Variants in NKAIN2 observed in about 807,000 individuals in gnomAD.
NKAIN2 encodes sodium/potassium-transporting ATPase subunit beta-1-interacting protein 2.
Under a neutral mutation model 32.6 loss-of-function variants are expected in NKAIN2, and 14 were observed. That is an observed-to-expected ratio of 0.43 (90% CI 0.28 to 0.67). The LOEUF (loss-of-function observed/expected upper bound fraction) is 0.67. Ranked by LOEUF, NKAIN2 falls within the 30% of genes least tolerant of loss-of-function variation. NKAIN2 has a pLI of 0.17. For missense variants in NKAIN2, 198 were observed against 258.3 expected, an observed-to-expected ratio of 0.77 and a Z score of 1.60; for synonymous variants, 80 against 87.2, an observed-to-expected ratio of 0.92 and a Z score of 0.46.
intron 1 of NKAIN2, among the ~76,000 whole-genome samples, chr6:123,858,512 T>C (rs1248172280): frequency 6.6e-6 from 1 of 152,212 alleles, no homozygotes; most frequent in African/African-American, 2.4e-5. Flanking sequence ...CAAATACATA[T>C]TTACATTTAA....
At chr6:124,102,146 G>A (rs1473611010) in intron 1 of NKAIN2, among the ~76,000 whole-genome samples, 1 of 152,230 alleles carries the variant, frequency 6.6e-6, no homozygotes, top group Non-Finnish European at 1.5e-5. Flanking sequence ...CAGTCTCTTA[G>A]TACATAGGAA....
chr6:124,581,092 G>A (rs1318445872), intron 3 of NKAIN2, among the ~76,000 whole-genome samples: 2 of 152,190 alleles, frequency 1.3e-5, no homozygotes, highest in Non-Finnish European at 2.9e-5. Context: ...AATAGCTGGA[G>A]TTTTCAGCAC....
chr6:124,352,096 C>T (rs1002451854), intron 2 of NKAIN2, among the ~76,000 whole-genome samples: 15 of 152,216 alleles, frequency 9.9e-5, no homozygotes, highest in African/African-American at 3.4e-4. Context: ...TTTAAGTAAA[C>T]TTAATTGTAA....
At chr6:124,318,767 G>T (rs999690604) in intron 2 of NKAIN2, among the ~76,000 whole-genome samples, 1 of 151,870 alleles carries the variant, frequency 6.6e-6, no homozygotes, top group Admixed American at 6.6e-5. Context: ...CCATTCAGGG[G>T]AACACATAGT....
At chr6:124,443,309 AGAT>A (rs1775766976) in intron 3 of NKAIN2, among the ~76,000 whole-genome samples, 1 of 152,158 alleles carries the variant, frequency 6.6e-6, no homozygotes, top group Non-Finnish European at 1.5e-5. Context: ...TAGTGAACAA[AGAT>A]GATATTCTCC....
At chr6:124,473,303 C>A (rs1777051578) in intron 3 of NKAIN2, among the ~76,000 whole-genome samples, 2 of 152,092 alleles carry the variant, frequency 1.3e-5, no homozygotes, top group South Asian at 4.1e-4. Context: ...GGTGAGGTGG[C>A]CAGGCTTCTG....
intron 1 of NKAIN2, among the ~76,000 whole-genome samples, chr6:123,912,642 T>TG (rs759381604): frequency 5.7e-4 from 87 of 152,326 alleles, no homozygotes; most frequent in Non-Finnish European, 1.6e-4. Context: ...CTCTCTCTCT[T>TG]GCTTCCTCTC....
intron 3 of NKAIN2, 89 bp from the exon 4 acceptor site, chr6:124,658,097 C>A: frequency 1.9e-6 from 2 of 1,046,864 alleles, no homozygotes; most frequent in South Asian, 1.6e-5. Context: ...CCCACATTTC[C>A]AAATGGGAAA....
Position 123,860,916 on chromosome 6 carries a change from T to A in NKAIN2, c.54+56662T>A, listed in dbSNP as rs991981892. ...AGAAATATCAACTCCATTTTCAGAA[T>A]GCCCGCAGTATGCCAGTTGTGTGCC... On this transcript the variant is annotated intron_variant, in intron 1 of 6. Coordinates refer to ENST00000368417, the MANE Select transcript of NKAIN2 (RefSeq NM_001040214.3). Among the ~76,000 whole-genome samples, 3 of 152,180 alleles carry A rather than the reference T, an allele frequency of 2.0e-5. No homozygotes were observed. The East Asian group carries it at 5.8e-4, about 29-fold the overall frequency.
At chr6:124,298,325 AT>A (rs1796151301) in intron 2 of NKAIN2, among the ~76,000 whole-genome samples, 1 of 151,876 alleles carries the variant, frequency 6.6e-6, no homozygotes, top group African/African-American at 2.4e-5. Context: ...ATCTCTTTCT[AT>A]TTTTAATGTT....
chr6:124,533,491 A>AAAAAAAAT, intron 3 of NKAIN2, among the ~76,000 whole-genome samples: 1 of 149,248 alleles, frequency 6.7e-6, no homozygotes, highest in Non-Finnish European at 1.5e-5. Flanking sequence ...AAAAAAAAAA[A>AAAAAAAAT]TCCTGCTGAT....
At chr6:124,203,716 G>T (rs1026618008) in intron 1 of NKAIN2, among the ~76,000 whole-genome samples, 1 of 151,790 alleles carries the variant, frequency 6.6e-6, no homozygotes, top group Non-Finnish European at 1.5e-5. Context: ...CAAGTATCTT[G>T]AAAAGATCAT....
chr6:124,461,866 T>C lies in NKAIN2; in HGVS notation c.273+106519T>C, dbSNP rs1405305796. ...ACTTTTGTGAATTCCTTTTTCCATC[T>C]TTCTTTTTTCACTTTATTTTGTTTA... On this transcript the variant is annotated intron_variant, in intron 3 of 6. Transcript: ENST00000368417. 3.3e-5 allele frequency among the ~76,000 whole-genome samples: 5 copies of C among 151,904 alleles called. No homozygotes were observed. The East Asian group carries it at 9.7e-4, about 29-fold the overall frequency.
At chr6:124,727,897 G>T (rs1776418353) in intron 4 of NKAIN2, among the ~76,000 whole-genome samples, 1 of 146,910 alleles carries the variant, frequency 6.8e-6, no homozygotes, top group African/African-American at 2.5e-5. Context: ...AAAAAGGCAG[G>T]GGTTGCAATC....
rs964735017 is a variant in NKAIN2 at position 124,360,888 on chromosome 6, C to A, written c.273+5541C>A. Among the ~76,000 whole-genome samples the A allele has an allele frequency of 5.3e-5, 8 of 152,218 alleles. No individual in the cohort carries two copies. The East Asian group carries it at 1.5e-3, about 29-fold the overall frequency. Reference sequence around the variant, plus strand: ...GTCTGTAACCTGAAGTGTCTGGTAACGGTTTGAAATTGCCTTTGGGCATCA... The same window carrying A: ...GTCTGTAACCTGAAGTGTCTGGTAAAGGTTTGAAATTGCCTTTGGGCATCA... On this transcript the variant is annotated intron_variant, in intron 3 of 6. Coordinates refer to ENST00000368417, the MANE Select transcript of NKAIN2 (RefSeq NM_001040214.3).
chr6:124,758,062 G>A (rs1360331713), intron 4 of NKAIN2, among the ~76,000 whole-genome samples: 1 of 152,106 alleles, frequency 6.6e-6, no homozygotes, highest in Non-Finnish European at 1.5e-5. Flanking sequence ...ATTGACAAGA[G>A]AATGTTTGCA....
In NKAIN2 at chr6:124,658,273, A is replaced by T; in HGVS notation, c.361A>T (p.Thr121Ser). ...ACCAGGATGTACGGTGACGTCAGTG[A>T]CACCTGCCCCAGACTGGGCCCCAGA... ...NGPGCTVTSV[T>S]PAPDWAPEDH... The change falls in exon 4 of 7, where the codon ACA becomes TCA. Residue 121 changes from threonine to serine, a missense_variant. By Grantham distance (58) the Thr-to-Ser change is moderately conservative. Transcript: ENST00000368417. 1.2e-6 allele frequency: 2 copies of T among 1,614,072 alleles called. No individual in the cohort carries two copies. The highest frequency in any genetic ancestry group is 8.5e-7 in the Non-Finnish European group (1 of 1,179,948).
chr6:124,527,217 C>T (rs1362642062), intron 3 of NKAIN2, among the ~76,000 whole-genome samples: 1 of 152,138 alleles, frequency 6.6e-6, no homozygotes, highest in Non-Finnish European at 1.5e-5. Context: ...TAACAAGCCA[C>T]AAAGATATAT....
chr6:124,290,000 T>G (rs908508644), intron 2 of NKAIN2, among the ~76,000 whole-genome samples: 4 of 152,116 alleles, frequency 2.6e-5, no homozygotes, highest in African/African-American at 9.6e-5. Context: ...CTAATGACTT[T>G]AGAGTAGTTG....
Sources: allele counts gnomAD v4.1 joint callset (sites outside exome capture counted in the v4.1 genomes callset), GRCh38; gene constraint gnomAD v4.1.1; transcripts MANE v1.5; gene names NCBI Gene and HGNC (gene_info 2026-07-23, HGNC 2026-07-21).